Variants in GSAP observed in about 807,000 individuals in gnomAD.
GSAP encodes gamma-secretase activating protein, also known as gamma-secretase-activating protein.
GSAP carries 118 observed loss-of-function variants against 131.7 expected under a neutral mutation model. The observed-to-expected ratio is 0.90, with a 90% CI of 0.77 to 1.04. GSAP has a LOEUF of 1.04. Among genes scored for constraint, GSAP ranks in the 50% least tolerant of loss-of-function variants. The pLI, the probability that GSAP is intolerant of heterozygous loss-of-function variation, is 0.00. For synonymous variants in GSAP, 381 were observed against 363.4 expected, an observed-to-expected ratio of 1.05 and a Z score of -0.55; for missense variants, 1,019 against 1,013.2, an observed-to-expected ratio of 1.01 and a Z score of -0.08.
intron 23 of GSAP, among the ~76,000 whole-genome samples, chr7:77,324,337 C>T (rs1239409161): frequency 6.6e-6 from 1 of 152,160 alleles, no homozygotes; most frequent in East Asian, 1.9e-4. Context: ...CTTGGGCCTC[C>T]CCACTTCCCC....
chr7:77,373,237 A>G (rs568325611), intron 12 of GSAP, among the ~76,000 whole-genome samples: 6 of 152,324 alleles, frequency 3.9e-5, no homozygotes, highest in African/African-American at 1.4e-4. Context: ...TAATGTCTAA[A>G]ATCTGTGCCA....
chr7:77,335,086 T>TAA (rs112916857), intron 19 of GSAP, among the ~76,000 whole-genome samples: 27 of 131,838 alleles, frequency 2.0e-4, no homozygotes, highest in African/African-American at 6.1e-4. Flanking sequence ...CCGTCTCAAT[T>TAA]AAAAAAAAAA....
intron 1 of GSAP, 46 bp downstream of exon 1, chr7:77,416,167 C>T (rs1170774206): frequency 8.0e-6 from 9 of 1,123,114 alleles, no homozygotes; most frequent in South Asian, 1.7e-5. Context: ...GTATGAGGGA[C>T]TCCCACTCCC....
chr7:77,388,578 G>A (rs117032523), intron 5 of GSAP, among the ~76,000 whole-genome samples: 3,444 of 152,250 alleles, frequency 0.023, 52 homozygotes, highest in Middle Eastern at 0.034. Flanking sequence ...AGATTACACC[G>A]TAGAAAAGAA....
intron 3 of GSAP, among the ~76,000 whole-genome samples, chr7:77,403,410 T>TA (rs917037507): frequency 1.4e-4 from 21 of 152,204 alleles, no homozygotes; most frequent in African/African-American, 4.8e-4. Flanking sequence ...AGGTGACCTG[T>TA]AAAAAATTTG....
At chr7:77,376,638 G>T (rs527782215) in intron 10 of GSAP, among the ~76,000 whole-genome samples, 2 of 151,942 alleles carry the variant, frequency 1.3e-5, no homozygotes, top group African/African-American at 4.8e-5. Flanking sequence ...TTATCTGGTC[G>T]TGGTGGCGGG....
chr7:77,392,255 A>G (rs935126582), intron 5 of GSAP, among the ~76,000 whole-genome samples: 9 of 150,660 alleles, frequency 6.0e-5, no homozygotes, highest in Non-Finnish European at 1.2e-4. Flanking sequence ...GAGAATCAAG[A>G]TATCAGTGGA....
At chr7:77,405,096 AT>A (rs1254137539) in intron 2 of GSAP, among the ~76,000 whole-genome samples, 1 of 133,460 alleles carries the variant, frequency 7.5e-6, no homozygotes, top group Non-Finnish European at 1.8e-5. Flanking sequence ...TGTGCTTATT[AT>A]AGTAAAGTTA....
chr7:77,343,993 T>C (rs1436550569), intron 19 of GSAP, among the ~76,000 whole-genome samples: 1 of 152,188 alleles, frequency 6.6e-6, no homozygotes, highest in Non-Finnish European at 1.5e-5. Context: ...GATTTGCCCC[T>C]GCCCAGGACT....
At chr7:77,391,077 A>AGATCACACCACT (rs1239708876) in intron 5 of GSAP, among the ~76,000 whole-genome samples, 2 of 139,172 alleles carry the variant, frequency 1.4e-5, no homozygotes, top group Non-Finnish European at 3.1e-5. Flanking sequence ...CAGTGAGCTG[A>AGATCACACCACT]GATCACACCA....
chr7:77,372,181 T>C (rs1182599392), intron 12 of GSAP, among the ~76,000 whole-genome samples: 1 of 152,234 alleles, frequency 6.6e-6, no homozygotes, highest in African/African-American at 2.4e-5. Context: ...AGTAAACAAT[T>C]GGATAAATCC....
chr7:77,328,384 C>G, intron 22 of GSAP: 3 of 1,280,584 alleles, frequency 2.3e-6, no homozygotes, highest in Non-Finnish European at 3.0e-6. Flanking sequence ...CCAGGGACTC[C>G]CATCGCAAAA....
chr7:77,322,573 G>T (rs1225680705), intron 24 of GSAP, among the ~76,000 whole-genome samples: 1 of 145,728 alleles, frequency 6.9e-6, no homozygotes, highest in African/African-American at 2.6e-5. Flanking sequence ...AAATCACTGT[G>T]TGTTGTGAGT....
intron 10 of GSAP, 50 bp downstream of exon 10, chr7:77,376,798 G>T (rs755029503): frequency 2.7e-5 from 20 of 731,596 alleles, no homozygotes; most frequent in Non-Finnish European, 4.1e-5. Context: ...AAAAAAAAGA[G>T]AGTAATGTAT....
chr7:77,367,565 G>C (rs1563043917), intron 12 of GSAP, among the ~76,000 whole-genome samples: 1 of 152,170 alleles, frequency 6.6e-6, no homozygotes, highest in Non-Finnish European at 1.5e-5. Flanking sequence ...ACTTGACTGT[G>C]GTAGATTAGC....
chr7:77,312,307 G>A (rs1255422691), intron 28 of GSAP, 105 bp from the exon 29 acceptor site: 2 of 605,972 alleles, frequency 3.3e-6, no homozygotes, highest in Non-Finnish European at 5.7e-6. Flanking sequence ...AAAGTAGCTG[G>A]TTAGTCTCCA....
At chr7:77,378,173 G>C (rs1037112823) in intron 8 of GSAP, among the ~76,000 whole-genome samples, 1 of 152,140 alleles carries the variant, frequency 6.6e-6, no homozygotes, top group Non-Finnish European at 1.5e-5. Flanking sequence ...AGTGCTCAAG[G>C]AATGTTTGTT....
chr7:77,356,520 C>T (rs1793748303), intron 14 of GSAP, among the ~76,000 whole-genome samples: 2 of 152,134 alleles, frequency 1.3e-5, no homozygotes, highest in Admixed American at 6.5e-5. Flanking sequence ...CGATATTCAT[C>T]AGAATAATCT....
intron 1 of GSAP, among the ~76,000 whole-genome samples, chr7:77,408,832 T>G (rs1205842235): frequency 6.6e-6 from 1 of 152,120 alleles, no homozygotes; most frequent in African/African-American, 2.4e-5. Flanking sequence ...AAACTATCTG[T>G]AACTCAGCAA....
Sources: allele counts gnomAD v4.1 joint callset (sites outside exome capture counted in the v4.1 genomes callset), GRCh38; gene constraint gnomAD v4.1.1; transcripts MANE v1.5; gene names NCBI Gene and HGNC (gene_info 2026-07-23, HGNC 2026-07-21).